Variants in ITCH observed in about 807,000 individuals in gnomAD.
ITCH encodes the protein E3 ubiquitin-protein ligase Itchy homolog.
In ITCH, 28 loss-of-function variants were observed where a neutral mutation model predicts 126.8. The observed-to-expected ratio is 0.22, with a 90% CI of 0.16 to 0.30. The LOEUF (loss-of-function observed/expected upper bound fraction) is 0.30. ITCH is among the 10% of genes least tolerant of loss of function. ITCH has a pLI of 1.00. For missense variants in ITCH, 631 were observed against 1,032.4 expected (o/e 0.61, Z 5.33); for synonymous variants, 342 against 340.0 (o/e 1.01, Z -0.06).
chr20:34,386,528 A>G lies in ITCH; in HGVS notation c.-21-7263A>G, dbSNP rs567663688. On this transcript the variant is annotated intron_variant, in intron 2 of 24. Coordinates refer to ENST00000374864, the MANE Select transcript of ITCH (RefSeq NM_031483.7). ...AGGGTTTAGTTCTCTGAATACCACT[A>G]TATACTTTAGCTCTTTGAACTCTGG... Among the ~76,000 whole-genome samples, 14 of 152,316 alleles carry G rather than the reference A, an allele frequency of 9.2e-5. No individual in the cohort carries two copies. In the Middle Eastern group the frequency reaches 0.014, roughly 148 times the overall value.
At chr20:34,418,757 CTTTT>C (rs373974620) in intron 6 of ITCH, among the ~76,000 whole-genome samples, 1 of 116,518 alleles carries the variant, frequency 8.6e-6, no homozygotes. Context: ...TCTTTTTTTC[CTTTT>C]TTTTTTTTTT....
intron 15 of ITCH, among the ~76,000 whole-genome samples, chr20:34,470,421 A>AAC (rs1568977627): frequency 6.8e-6 from 1 of 146,888 alleles, no homozygotes; most frequent in Admixed American, 6.8e-5. Context: ...TACCTCTGTA[A>AAC]ATATATATAT....
chr20:34,445,383 G>T lies in ITCH; in HGVS notation c.1062G>T (p.Arg354=), dbSNP rs759794115. 4.3e-6 allele frequency: 7 copies of T among 1,613,880 alleles called. No homozygotes were observed. The highest frequency in any genetic ancestry group is 5.9e-6 in the Non-Finnish European group (7 of 1,180,020). ...AGAGGCCAACACTGGAATCCGTCCG[G>T]AACTATGAACAATGGCAGCTACAGC... ...TWQRPTLESV[R]NYEQWQLQRS... The change falls in exon 11 of 25, where the codon CGG becomes CGT. Residue 354 remains arginine, a synonymous_variant. Coordinates refer to ENST00000374864, the MANE Select transcript of ITCH (RefSeq NM_031483.7).
At chr20:34,503,884 G>GTT (rs148915356) in intron 23 of ITCH, among the ~76,000 whole-genome samples, 16 of 96,802 alleles carry the variant, frequency 1.7e-4, no homozygotes, top group Admixed American at 4.7e-4. Flanking sequence ...TTTTTTTTTT[G>GTT]GTTTTTTTTT....
At chr20:34,485,856 GGTT>G (rs1989068375) in intron 20 of ITCH, among the ~76,000 whole-genome samples, 1 of 151,960 alleles carries the variant, frequency 6.6e-6, no homozygotes, top group African/African-American at 2.4e-5. Context: ...CAAATTTTTT[GGTT>G]GTTTTTATTT....
chr20:34,379,839 T>C (rs1465944310), intron 2 of ITCH, among the ~76,000 whole-genome samples: 9 of 151,226 alleles, frequency 6.0e-5, no homozygotes, highest in African/African-American at 1.7e-4. Flanking sequence ...CCTCGTGATC[T>C]GCCTGCCTTG....
chr20:34,505,980 A>G (rs1043164605), intron 24 of ITCH, among the ~76,000 whole-genome samples: 2 of 152,210 alleles, frequency 1.3e-5, no homozygotes, highest in African/African-American at 4.8e-5. Flanking sequence ...TACATAACAT[A>G]GAATTTACCA....
At chr20:34,423,724 C>A (rs1224995629) in intron 6 of ITCH, among the ~76,000 whole-genome samples, 2 of 152,178 alleles carry the variant, frequency 1.3e-5, no homozygotes, top group Non-Finnish European at 2.9e-5. Flanking sequence ...CTGCCTCAGC[C>A]TCCCAAGTAG....
chr20:34,370,106 A>G (rs1421624047), intron 2 of ITCH, among the ~76,000 whole-genome samples: 9 of 134,602 alleles, frequency 6.7e-5, no homozygotes, highest in Non-Finnish European at 1.1e-4. Flanking sequence ...CCTGTCTCGG[A>G]AAAAAAAAAA....
At chr20:34,381,454 TCTTG>T (rs1260632388) in intron 2 of ITCH, among the ~76,000 whole-genome samples, 1 of 149,600 alleles carries the variant, frequency 6.7e-6, no homozygotes, top group Non-Finnish European at 1.5e-5. Context: ...TGAGATGGAG[TCTTG>T]CTTTGTCGCC....
At chr20:34,441,753 T>C (rs574988925) in intron 9 of ITCH, 1 of 208,672 alleles carries the variant, frequency 4.8e-6, no homozygotes, top group East Asian at 1.1e-4. Flanking sequence ...GCCCAGCTAA[T>C]TTTTGAATTT....
Position 34,507,915 on chromosome 20 carries a change from A to G in ITCH, c.*121A>G. ...TTTAGAGAGTTATCTGAGTGTAAGTAAATTAATGTTCTCATTTAGATTTAT... is the reference window on the plus strand; with the variant it reads ...TTTAGAGAGTTATCTGAGTGTAAGTGAATTAATGTTCTCATTTAGATTTAT... On this transcript the variant is annotated 3_prime_UTR_variant, in exon 25 of 25. Coordinates refer to ENST00000374864, the MANE Select transcript of ITCH (RefSeq NM_031483.7). The G allele has an allele frequency of 2.7e-6, 2 of 735,748 alleles. No individual in the cohort carries two copies. The allele number at this position is 735,748 out of a possible 1,614,324, so 45.6% of individuals were successfully genotyped here. A position where few individuals can be genotyped will look rare whatever the true frequency, so the allele number is the denominator to read the frequency against.
intron 3 of ITCH, among the ~76,000 whole-genome samples, chr20:34,400,671 A>T (rs2038849378): frequency 8.5e-6 from 1 of 117,426 alleles, no homozygotes; most frequent in Non-Finnish European, 1.7e-5. Flanking sequence ...TTTTTGAGAC[A>T]GTTTCGTTCT....
chr20:34,464,283 C>T (rs1415897364), intron 14 of ITCH, among the ~76,000 whole-genome samples: 3 of 150,866 alleles, frequency 2.0e-5, no homozygotes, highest in Non-Finnish European at 3.0e-5. Context: ...CCACCGTGCC[C>T]GGCCTGTTTT....
chr20:34,466,311 G>T, intron 14 of ITCH: 1 of 515,218 alleles, frequency 1.9e-6, no homozygotes, highest in Non-Finnish European at 4.0e-6. Flanking sequence ...ATGCTGCTGA[G>T]ATTTTTTTGC....
intron 1 of ITCH, among the ~76,000 whole-genome samples, chr20:34,368,468 A>G (rs2037501135): frequency 6.6e-6 from 1 of 152,064 alleles, no homozygotes; most frequent in Admixed American, 6.6e-5. Context: ...TGGGCTCATA[A>G]TAAGCACTCA....
intron 21 of ITCH, 72 bp downstream of exon 21, chr20:34,489,458 C>A: frequency 7.4e-7 from 1 of 1,358,112 alleles, no homozygotes; most frequent in Non-Finnish European, 1.0e-6. Flanking sequence ...TTTTAACTCA[C>A]TTTCCCATCT....
At chr20:34,386,564 A>G (rs891231295) in intron 2 of ITCH, among the ~76,000 whole-genome samples, 1 of 152,174 alleles carries the variant, frequency 6.6e-6, no homozygotes, top group Non-Finnish European at 1.5e-5. Flanking sequence ...ACTTTCTGTC[A>G]CAAGCAGTTT....
At chr20:34,445,235 T>G in intron 10 of ITCH, 52 bp from the exon 11 acceptor site, 1 of 1,588,166 alleles carries the variant, frequency 6.3e-7, no homozygotes, top group Non-Finnish European at 8.6e-7. Flanking sequence ...TCTATCTGTT[T>G]CACAAGTATT....
Sources: allele counts gnomAD v4.1 joint callset (sites outside exome capture counted in the v4.1 genomes callset), GRCh38; gene constraint gnomAD v4.1.1; transcripts MANE v1.5; gene names NCBI Gene and HGNC (gene_info 2026-07-23, HGNC 2026-07-21).